NEK6: variants seen among roughly 807,000 people sequenced by gnomAD.
The protein encoded by NEK6 is serine/threonine-protein kinase Nek6.
NEK6 carries 27 observed loss-of-function variants against 43.5 expected under a neutral mutation model. The observed-to-expected ratio is 0.62, with a 90% confidence interval of 0.46 to 0.86. The LOEUF (loss-of-function observed/expected upper bound fraction) is 0.86, where lower values mean the gene tolerates loss of function less well. Ranked by LOEUF, NEK6 falls within the 40% of genes least tolerant of loss-of-function variation. NEK6 has a pLI of 0.00. For synonymous variants in NEK6, 167 were observed against 164.1 expected, an observed-to-expected ratio of 1.02 and a Z score of -0.14; for missense variants, 318 against 414.4, an observed-to-expected ratio of 0.77 and a Z score of 2.02.
At chr9:124,336,092 G>T (rs761098698) in intron 7 of NEK6, among the ~76,000 whole-genome samples, 1 of 152,100 alleles carries the variant, frequency 6.6e-6, no homozygotes, top group Non-Finnish European at 1.5e-5. Context: ...ACAAAAATTA[G>T]CCAGGCATGG....
chr9:124,270,287 A>C (rs1229213863), intron 1 of NEK6, among the ~76,000 whole-genome samples: 1 of 152,196 alleles, frequency 6.6e-6, no homozygotes, highest in Non-Finnish European at 1.5e-5. Flanking sequence ...CAACCCTAGA[A>C]GTTCACCCCA....
chr9:124,287,039 GC>G (rs1832196466), intron 1 of NEK6, among the ~76,000 whole-genome samples: 1 of 152,162 alleles, frequency 6.6e-6, no homozygotes, highest in Non-Finnish European at 1.5e-5. Flanking sequence ...GCTGTGATAT[GC>G]CCCCCTGGCT....
intron 1 of NEK6, among the ~76,000 whole-genome samples, chr9:124,285,882 A>T (rs893587493): frequency 2.0e-5 from 3 of 152,226 alleles, no homozygotes; most frequent in Admixed American, 2.0e-4. Flanking sequence ...TACCTGTCTC[A>T]CAAGGCTGTT....
chr9:124,283,801 G>A (rs774659909), intron 1 of NEK6, among the ~76,000 whole-genome samples: 203 of 152,312 alleles, frequency 1.3e-3, no homozygotes, highest in Non-Finnish European at 1.5e-3. Flanking sequence ...TTCCCGTTCC[G>A]AGGAAAAATC....
intron 9 of NEK6, among the ~76,000 whole-genome samples, chr9:124,349,981 C>T (rs1305061119): frequency 6.6e-6 from 1 of 152,246 alleles, no homozygotes; most frequent in Non-Finnish European, 1.5e-5. Flanking sequence ...CATCCCTCAG[C>T]CTAACGGGCC....
At chr9:124,293,613 C>T (rs1832533147) in intron 1 of NEK6, among the ~76,000 whole-genome samples, 1 of 152,184 alleles carries the variant, frequency 6.6e-6, no homozygotes, top group Non-Finnish European at 1.5e-5. Flanking sequence ...TTTGAATCTC[C>T]AGTGACTTTT....
intron 4 of NEK6, among the ~76,000 whole-genome samples, chr9:124,316,098 GA>G (rs1317897755): frequency 6.6e-6 from 1 of 152,242 alleles, no homozygotes; most frequent in Non-Finnish European, 1.5e-5. Flanking sequence ...TAGCCCATGG[GA>G]AGTCAACAGG....
chr9:124,330,428 G>A (rs531743676), intron 7 of NEK6, among the ~76,000 whole-genome samples: 4 of 152,110 alleles, frequency 2.6e-5, no homozygotes, highest in African/African-American at 4.8e-5. Flanking sequence ...CTGGGAGAGC[G>A]GGCGGGCAGG....
chr9:124,323,083 C>T (rs1256704423), intron 5 of NEK6, among the ~76,000 whole-genome samples: 1 of 152,226 alleles, frequency 6.6e-6, no homozygotes. Flanking sequence ...CACTGTGTGC[C>T]AGCCCTCATG....
chr9:124,264,692 G>A (rs1440618681), intron 1 of NEK6, among the ~76,000 whole-genome samples: 2 of 151,896 alleles, frequency 1.3e-5, no homozygotes, highest in African/African-American at 2.4e-5. Flanking sequence ...TTTAATCCCA[G>A]CTACTCGGGA....
intron 4 of NEK6, among the ~76,000 whole-genome samples, chr9:124,318,202 G>A (rs1226470384): frequency 1.3e-5 from 2 of 151,738 alleles, no homozygotes; most frequent in East Asian, 1.9e-4. Context: ...TTTTGACTTC[G>A]TAATAATTGC....
intron 2 of NEK6, among the ~76,000 whole-genome samples, chr9:124,302,429 C>T (rs1001445681): frequency 6.6e-6 from 1 of 152,232 alleles, no homozygotes; most frequent in Non-Finnish European, 1.5e-5. Context: ...TACTGTGGGT[C>T]AGAAAATTCT....
rs750113566 is a variant in NEK6, at chr9:124,302,047, AC to A, written c.86del (p.Pro29HisfsTer23). ...ACCCTGGGGCCTGTGCATCCTCCTG[AC>A]CCACAGGTAAGCCCCTTACCTTTGT... ...CHTLGPVHPPDPQRHPNTLSF... is the reference protein window; with the variant it reads ...CHTLGPVHPPXPQRHPNTLSF... On this transcript the variant is annotated frameshift_variant, in exon 2 of 10. Transcript: ENST00000320246. LOFTEE classifies it high-confidence loss of function. The A allele has an allele frequency of 6.2e-7, 1 of 1,601,210 alleles. No individual in the cohort carries two copies. The highest frequency in any genetic ancestry group is 1.7e-5 in the Admixed American group (1 of 58,774).
intron 1 of NEK6, among the ~76,000 whole-genome samples, chr9:124,296,282 G>T (rs1196926734): frequency 2.0e-5 from 3 of 152,242 alleles, no homozygotes; most frequent in African/African-American, 7.2e-5. Flanking sequence ...CACAGGGACG[G>T]CTTCCTGCTT....
Position 124,324,929 on chromosome 9 carries a change from C to A in NEK6, c.406-1401C>A, listed in dbSNP as rs1045344675. On this transcript the variant is annotated intron_variant, in intron 5 of 9. Transcript: ENST00000320246. This position sits in a 1 kb window ranked among gnomAD's most constrained non-coding sequence, Gnocchi z 5.3. Reference sequence around the variant, plus strand: ...GTGGCTCACGCCTGTAATCCCAGCACTTTGGGAGGCCGAGGCAGGCAGATC... The same window carrying A: ...GTGGCTCACGCCTGTAATCCCAGCAATTTGGGAGGCCGAGGCAGGCAGATC... Among the ~76,000 whole-genome samples the A allele has an allele frequency of 1.4e-4, 22 of 152,066 alleles. No homozygotes were observed. Among genetic ancestry groups the A allele is most frequent in the African/African-American group, 5.3e-4 (22 of 41,390 alleles).
chr9:124,340,536 CT>C (rs1250231572), intron 8 of NEK6, among the ~76,000 whole-genome samples: 1 of 152,222 alleles, frequency 6.6e-6, no homozygotes, highest in Admixed American at 6.5e-5. Flanking sequence ...TTGCATTGTC[CT>C]CAGTCCTGAT....
At chr9:124,325,338 G>C (rs1323550969) in intron 5 of NEK6, among the ~76,000 whole-genome samples, 1 of 152,250 alleles carries the variant, frequency 6.6e-6, no homozygotes, top group African/African-American at 2.4e-5. Flanking sequence ...ACACCCTGCA[G>C]GTGGTCTGAA....
chr9:124,259,833 A>G (rs980301569), intron 1 of NEK6, among the ~76,000 whole-genome samples: 3 of 152,236 alleles, frequency 2.0e-5, no homozygotes, highest in Non-Finnish European at 4.4e-5. Flanking sequence ...TCTCCACAAA[A>G]TAAAGTCTCA....
Position 124,339,638 on chromosome 9 carries a change from C to T in NEK6, c.690C>T (p.Ile230=), listed in dbSNP as rs201833354. Residue 230 remains isoleucine (I), a synonymous_variant, in exon 8 of 10, where the codon ATC becomes ATT. Coordinates refer to ENST00000320246, the MANE Select transcript of NEK6 (RefSeq NM_014397.6). The part of the protein sequence containing the change: ...HENGYNFKSD[I]WSLGCLLYEM... Reference sequence around the variant, plus strand: ...ACGGCTACAACTTCAAGTCCGACATCTGGTCCCTGGGCTGTCTGCTGTACG... The same window carrying T: ...ACGGCTACAACTTCAAGTCCGACATTTGGTCCCTGGGCTGTCTGCTGTACG... 6.2e-7 allele frequency: 1 copy of T among 1,614,034 alleles called. No individual in the cohort carries two copies. The highest frequency in any genetic ancestry group is 8.5e-7 in the Non-Finnish European group (1 of 1,179,876).
Sources: gnomAD v4.1 joint callset for allele counts (sites outside exome capture counted in the v4.1 genomes callset) on GRCh38, gnomAD v4.1.1 for gene constraint, Gnocchi (gnomAD v3.1) non-coding constraint, MANE v1.5 for transcripts, NCBI Gene and HGNC (gene_info 2026-07-23, HGNC 2026-07-21) for gene names.